Variants in SAMD12 observed in about 807,000 individuals in gnomAD.
SAMD12 encodes the protein sterile alpha motif domain-containing protein 12.
In SAMD12, 9 loss-of-function variants were observed where a neutral mutation model predicts 15.0. The observed-to-expected ratio is 0.60, with a 90% confidence interval of 0.36 to 1.05. SAMD12 has a LOEUF of 1.05. Among genes scored for constraint, SAMD12 ranks in the 50% least tolerant of loss-of-function variants. SAMD12 has a pLI of 0.01. For synonymous variants in SAMD12, 86 were observed against 90.1 expected (o/e 0.96, Z 0.25); for missense variants, 230 against 234.2 (o/e 0.98, Z 0.12).
chr8:118,516,308 A>C (rs1255037353), intron 2 of SAMD12, among the ~76,000 whole-genome samples: 2 of 152,200 alleles, frequency 1.3e-5, no homozygotes, highest in Admixed American at 6.5e-5. Flanking sequence ...GCTTTACAAT[A>C]GTTTGCTAGT....
At chr8:118,515,704 C>A (rs1825223275) in intron 2 of SAMD12, among the ~76,000 whole-genome samples, 1 of 152,138 alleles carries the variant, frequency 6.6e-6, no homozygotes, top group African/African-American at 2.4e-5. Context: ...TTTTTCAATC[C>A]CAACCTTTCC....
In SAMD12 at chr8:118,269,260, G is replaced by T. The variant is rs73709238; in HGVS notation, c.434-71528C>A. 8.5e-3 allele frequency among the ~76,000 whole-genome samples: 1,166 copies of T among 137,142 alleles called. 13 individuals are homozygous for T. The highest frequency in any genetic ancestry group is 0.031 in the African/African-American group (1,073 of 34,368). The allele number at this position is 137,142 out of a possible 152,430, so 90.0% of individuals were successfully genotyped here. A position where few individuals can be genotyped will look rare whatever the true frequency, so the allele number is the denominator to read the frequency against. On this transcript the variant is annotated intron_variant, in intron 4 of 4. Coordinates refer to the SAMD12 transcript ENST00000409003. ...TGTGTGTGTGTGTGTGTGTGTGTGT[G>T]TAAGCAGGAAACAAATGTAGAAGTG...
At chr8:118,478,362 C>T (rs1824025040) in intron 2 of SAMD12, among the ~76,000 whole-genome samples, 1 of 152,140 alleles carries the variant, frequency 6.6e-6, no homozygotes, top group African/African-American at 2.4e-5. Context: ...CCCCTGACCA[C>T]CCAAAGACAA....
intron 4 of SAMD12, among the ~76,000 whole-genome samples, chr8:118,229,468 C>G (rs1355137901): frequency 6.6e-6 from 1 of 152,054 alleles, no homozygotes; most frequent in East Asian, 1.9e-4. Context: ...CACAGTATAC[C>G]TTATTACTAA....
chr8:118,153,908 A>G, the SAMD12 span, among the ~76,000 whole-genome samples: 1 of 151,768 alleles, frequency 6.6e-6, no homozygotes, highest in Admixed American at 6.6e-5. Flanking sequence ...TTTGTTTTAG[A>G]TCTCTTTACT....
chr8:118,537,048 T>C (rs1325102010), intron 2 of SAMD12, among the ~76,000 whole-genome samples: 1 of 152,244 alleles, frequency 6.6e-6, no homozygotes, highest in Non-Finnish European at 1.5e-5. Flanking sequence ...TTGCTGGATA[T>C]ACTATTCTAG....
chr8:118,517,994 GCT>G (rs1173879884), intron 2 of SAMD12, among the ~76,000 whole-genome samples: 2 of 152,112 alleles, frequency 1.3e-5, no homozygotes, highest in African/African-American at 4.8e-5. Context: ...CCAACAGCAG[GCT>G]CAGACTCACT....
At chr8:118,540,956 T>C (rs1470452401) in intron 2 of SAMD12, among the ~76,000 whole-genome samples, 1 of 152,210 alleles carries the variant, frequency 6.6e-6, no homozygotes, top group Non-Finnish European at 1.5e-5. Context: ...CAGGATCCTT[T>C]TTCAGAAGAT....
intron 4 of SAMD12, among the ~76,000 whole-genome samples, chr8:118,267,055 T>TTA (rs1009616183): frequency 1.1e-4 from 17 of 151,930 alleles, no homozygotes; most frequent in South Asian, 4.2e-4. Context: ...CCATTCTGTT[T>TTA]TATATATATA....
At chr8:118,197,827 C>A in intron 4 of SAMD12, 2 of 1,031,734 alleles carry the variant, frequency 1.9e-6, no homozygotes, top group Middle Eastern at 4.2e-4. Context: ...CAAACCCTAA[C>A]ACCCTTAGGC....
chr8:118,533,444 T>C (rs1825745090), intron 2 of SAMD12, among the ~76,000 whole-genome samples: 1 of 152,234 alleles, frequency 6.6e-6, no homozygotes, highest in South Asian at 2.1e-4. Context: ...GTTCTGTAGA[T>C]GTCTATTAGG....
chr8:118,407,748 A>G (rs1209343927), intron 3 of SAMD12, among the ~76,000 whole-genome samples: 1 of 152,046 alleles, frequency 6.6e-6, no homozygotes, highest in Non-Finnish European at 1.5e-5. Flanking sequence ...CATAAAAGAC[A>G]TCCTTTCCCT....
chr8:118,195,610 T>C (rs1304881736), exon 5 of SAMD12: 1 of 152,364 alleles, frequency 6.6e-6, no homozygotes, highest in Non-Finnish European at 1.5e-5. Flanking sequence ...TCTGCTGCCA[T>C]GTTCTTCTTC....
intron 2 of SAMD12, among the ~76,000 whole-genome samples, chr8:118,517,032 A>G (rs1825263135): frequency 6.6e-6 from 1 of 152,194 alleles, no homozygotes; most frequent in Non-Finnish European, 1.5e-5. Flanking sequence ...AAACAGTTCT[A>G]AGAAAATGGA....
chr8:118,433,970 T>C (rs7831501), intron 3 of SAMD12, among the ~76,000 whole-genome samples: 88,638 of 152,000 alleles, frequency 0.58, 26,781 homozygotes, highest in Admixed American at 0.66. Flanking sequence ...ACACACCCCA[T>C]TGGTTTCTAC....
At chr8:118,467,788 T>G (rs926089275) in intron 2 of SAMD12, among the ~76,000 whole-genome samples, 21 of 152,198 alleles carry the variant, frequency 1.4e-4, no homozygotes, top group Admixed American at 4.6e-4. Context: ...GTACCCAGTA[T>G]GTTGATGACA....
At chr8:118,152,206 A>C in the SAMD12 span, among the ~76,000 whole-genome samples, 1 of 152,210 alleles carries the variant, frequency 6.6e-6, no homozygotes, top group African/African-American at 2.4e-5. Flanking sequence ...GAAAGGCCAA[A>C]GTTCTACTTA....
At chr8:118,269,194 T>TTC (rs762035151) in intron 4 of SAMD12, among the ~76,000 whole-genome samples, 3,583 of 138,222 alleles carry the variant, frequency 0.026, 89 homozygotes, top group Admixed American at 0.065. Context: ...TTTGCTTTTG[T>TTC]TCTCTCTCTC....
chr8:118,263,891 T>G (rs1347639068), intron 4 of SAMD12, among the ~76,000 whole-genome samples: 1 of 152,080 alleles, frequency 6.6e-6, no homozygotes, highest in Non-Finnish European at 1.5e-5. Flanking sequence ...CTTATAAAGC[T>G]TCCACAAACT....
Sources: gnomAD v4.1 joint callset for allele counts (sites outside exome capture counted in the v4.1 genomes callset) on GRCh38, gnomAD v4.1.1 for gene constraint, MANE v1.5 for transcripts, NCBI Gene and HGNC (gene_info 2026-07-23, HGNC 2026-07-21) for gene names.